ARID1B: variants seen among roughly 807,000 people sequenced by gnomAD.
ARID1B encodes AT-rich interaction domain 1B.
In ARID1B, 30 loss-of-function variants were observed where a neutral mutation model predicts 212.3. That is an observed-to-expected ratio of 0.14 (90% CI 0.11 to 0.19). The LOEUF (loss-of-function observed/expected upper bound fraction) is 0.19, where lower values mean the gene tolerates loss of function less well. Among genes scored for constraint, ARID1B ranks in the 10% least tolerant of loss-of-function variants. The pLI, the probability that ARID1B is intolerant of heterozygous loss-of-function variation, is 1.00. For synonymous variants in ARID1B, 1,402 were observed against 1,301.7 expected (o/e 1.08, Z -1.66); for missense variants, 2,891 against 3,204.0 (o/e 0.90, Z 2.36).
At chr6:157,084,577 G>A (rs2128461478) in intron 4 of ARID1B, 85 bp from the exon 5 acceptor site, 1 of 1,507,242 alleles carries the variant, frequency 6.6e-7, no homozygotes, top group Non-Finnish European at 9.0e-7. Flanking sequence ...CTCTGAAGGG[G>A]ACGTCATTAT....
chr6:156,829,243 C>G lies in ARID1B; in HGVS notation c.1808C>G (p.Pro603Arg), dbSNP rs763652332. Residue 603 changes from proline to arginine, a missense_variant, in exon 2 of 20, where the codon CCA (proline) becomes CGA (arginine). Pro to Arg is a moderately radical substitution (Grantham distance 103, BLOSUM62 -2). Coordinates refer to ENST00000636930, the MANE Select transcript of ARID1B (RefSeq NM_001374828.1). ...TCTTCACAGGGCAGCCCAATGGATC[C>G]AATGGTGATGAAGAGACCTCAGTTG... is the stretch of plus-strand genomic sequence containing the variant. ...MGRSQGSPMDPMVMKRPQLYG... is the reference protein window; with the variant it reads ...MGRSQGSPMDRMVMKRPQLYG... The G allele has an allele frequency of 6.2e-7, 1 of 1,613,752 alleles. No individual in the cohort carries two copies. The highest frequency in any genetic ancestry group is 8.5e-7 in the Non-Finnish European group (1 of 1,179,796).
intron 2 of ARID1B, among the ~76,000 whole-genome samples, chr6:156,862,649 A>C (rs1282249751): frequency 6.6e-6 from 1 of 152,198 alleles, no homozygotes; most frequent in African/African-American, 2.4e-5. Flanking sequence ...TTGATGGTAC[A>C]AGGCAAAGCG....
At chr6:156,975,302 G>A (rs1326827645) in intron 4 of ARID1B, among the ~76,000 whole-genome samples, 2 of 152,108 alleles carry the variant, frequency 1.3e-5, no homozygotes, top group African/African-American at 2.4e-5. Context: ...TTGGTGAAAT[G>A]TCTATTCAAA....
intron 2 of ARID1B, among the ~76,000 whole-genome samples, chr6:156,897,882 A>G (rs758886782): frequency 2.6e-5 from 4 of 152,180 alleles, no homozygotes; most frequent in Admixed American, 6.5e-5. Context: ...AATTTTTCAT[A>G]TAATAATAGC....
At chr6:156,954,063 G>A (rs536831528) in intron 4 of ARID1B, among the ~76,000 whole-genome samples, 2 of 152,098 alleles carry the variant, frequency 1.3e-5, no homozygotes, top group Admixed American at 6.5e-5. Context: ...CATTTTATAG[G>A]CTTTTTCAAA....
intron 4 of ARID1B, among the ~76,000 whole-genome samples, chr6:157,035,676 T>C (rs1781281602): frequency 1.3e-5 from 2 of 152,248 alleles, no homozygotes; most frequent in African/African-American, 2.4e-5. Context: ...CAGCAACATA[T>C]GGTTTTCTAT....
intron 4 of ARID1B, among the ~76,000 whole-genome samples, chr6:157,077,380 T>A (rs1204847042): frequency 6.6e-6 from 1 of 152,190 alleles, no homozygotes; most frequent in Non-Finnish European, 1.5e-5. Context: ...TTCCTAAAAA[T>A]GTAGGCCCCT....
At chr6:157,059,570 A>T (rs1470914236) in intron 4 of ARID1B, among the ~76,000 whole-genome samples, 3 of 152,242 alleles carry the variant, frequency 2.0e-5, no homozygotes, top group African/African-American at 7.2e-5. Context: ...ATTGACAAAG[A>T]GGTTCTGAGA....
chr6:156,804,282 A>G (rs1183745906), intron 1 of ARID1B, among the ~76,000 whole-genome samples: 1 of 151,384 alleles, frequency 6.6e-6, no homozygotes, highest in African/African-American at 2.4e-5. Context: ...GTTGCAGTGA[A>G]CTGAGATTGC....
chr6:157,156,979 A>G lies in ARID1B; in HGVS notation c.3089+8028A>G, dbSNP rs1029943781. ...CTCAGGCTCTGGAGATCTGTTGATC[A>G]TGGCAGAGTGTGTCTTCCTAAATGC... On this transcript the variant is annotated intron_variant, in intron 8 of 19. Transcript: ENST00000636930. 2.6e-5 allele frequency among the ~76,000 whole-genome samples: 4 copies of G among 152,328 alleles called. No individual in the cohort carries two copies. In the South Asian group the frequency reaches 8.3e-4, roughly 32 times the overall value.
intron 18 of ARID1B, among the ~76,000 whole-genome samples, chr6:157,202,334 CA>C (rs1246529460): frequency 6.6e-6 from 1 of 151,938 alleles, no homozygotes; most frequent in Non-Finnish European, 1.5e-5. Context: ...AAAAATTACT[CA>C]AAAAATATCA....
intron 4 of ARID1B, chr6:157,036,705 A>G (rs1583190109): frequency 2.5e-6 from 1 of 392,172 alleles, no homozygotes; most frequent in East Asian, 5.8e-5. Context: ...CTTTCTTGAC[A>G]ACTGACATAA....
intron 1 of ARID1B, among the ~76,000 whole-genome samples, chr6:156,811,825 A>G (rs1781570722): frequency 6.6e-6 from 1 of 152,196 alleles, no homozygotes; most frequent in Admixed American, 6.5e-5. Context: ...ATTCTGTAGC[A>G]GGCTAAGAAA....
At chr6:157,173,880 C>A (rs981830300) in intron 9 of ARID1B, 128 bp from the exon 10 acceptor site, 7 of 728,400 alleles carry the variant, frequency 9.6e-6, no homozygotes, top group Non-Finnish European at 1.1e-5. Flanking sequence ...ATTACAATTT[C>A]TTTTTTCTTT....
chr6:156,907,362 C>T lies in ARID1B; in HGVS notation c.2136+5837C>T, dbSNP rs1014881986. Among the ~76,000 whole-genome samples, 67 of 152,226 alleles carry T rather than the reference C, an allele frequency of 4.4e-4. 1 individual carries two copies. Among genetic ancestry groups the T allele is most frequent in the Non-Finnish European group, 1.8e-4 (12 of 68,014 alleles). On this transcript the variant is annotated intron_variant, in intron 3 of 19. Transcript: ENST00000636930. ...TTTTTTGAATCTATTGAGATGATCA[C>T]TTTGTATGTATTGAGATGATCACTT... is the stretch of plus-strand genomic sequence containing the variant.
intron 6 of ARID1B, among the ~76,000 whole-genome samples, chr6:157,127,120 G>C (rs1162264363): frequency 1.3e-5 from 2 of 152,142 alleles, no homozygotes; most frequent in Non-Finnish European, 2.9e-5. Flanking sequence ...AATATACTTG[G>C]AAATTGCAGA....
chr6:156,898,268 C>G (rs1430957299), intron 2 of ARID1B, among the ~76,000 whole-genome samples: 4 of 152,148 alleles, frequency 2.6e-5, no homozygotes, highest in Non-Finnish European at 5.9e-5. Context: ...AAACTCTCAG[C>G]AATCAGAATA....
At position 157,190,149 on chromosome 6, in the gene ARID1B, C is replaced by T. The variant is rs771988661; in HGVS notation, c.4170C>T (p.Pro1390=). 1.9e-6 allele frequency: 3 copies of T among 1,614,130 alleles called. No homozygotes were observed. Among genetic ancestry groups the T allele is most frequent in the South Asian group, 1.1e-5 (1 of 91,084 alleles). ...NAPYQQGMSM[P]DVMGRMPYEP... ...CCTACCAGCAGGGCATGAGCATGCC[C>T]GATGTGATGGGCAGGATGCCCTATG... The change falls in exon 15 of 20, where the codon CCC becomes CCT. Residue 1390 remains proline (P), a synonymous_variant. Transcript: ENST00000636930. The surrounding 1 kb of genome is among the most constrained non-coding windows in gnomAD (Gnocchi z 4.6).
chr6:156,972,886 AT>A (rs1471943691), intron 4 of ARID1B, among the ~76,000 whole-genome samples: 2 of 152,222 alleles, frequency 1.3e-5, no homozygotes, highest in African/African-American at 4.8e-5. Flanking sequence ...GTTTCTTTGT[AT>A]TTTGATTTTA....
Sources: allele counts gnomAD v4.1 joint callset (sites outside exome capture counted in the v4.1 genomes callset), GRCh38; gene constraint gnomAD v4.1.1; non-coding constraint Gnocchi (gnomAD v3.1); transcripts MANE v1.5; gene names NCBI Gene and HGNC (gene_info 2026-07-23, HGNC 2026-07-21).